Variants in RALYL observed in about 807,000 individuals in gnomAD.
The protein encoded by RALYL is RNA-binding Raly-like protein.
Under a neutral mutation model 35.1 loss-of-function variants are expected in RALYL, and 29 were observed. That is an observed-to-expected ratio of 0.83 (90% CI 0.61 to 1.13). The LOEUF (loss-of-function observed/expected upper bound fraction) is 1.13, where lower values mean the gene tolerates loss of function less well. RALYL is among the 50% of genes most tolerant of loss of function. The probability of loss-of-function intolerance (pLI) is 0.00; values close to 1 mark genes in which losing one functional copy is unlikely to be tolerated. For missense variants in RALYL, 359 were observed against 360.4 expected (o/e 1.00, Z 0.03); for synonymous variants, 120 against 127.6 (o/e 0.94, Z 0.40).
At chr8:84,610,735 A>G (rs1818124159) in intron 2 of RALYL, among the ~76,000 whole-genome samples, 2 of 152,166 alleles carry the variant, frequency 1.3e-5, no homozygotes, top group South Asian at 4.1e-4. Flanking sequence ...GTATGGAATG[A>G]TGGGTATTTG....
intron 1 of RALYL, among the ~76,000 whole-genome samples, chr8:84,405,194 C>G (rs2043343125): frequency 2.0e-5 from 3 of 152,160 alleles, no homozygotes; most frequent in Non-Finnish European, 4.4e-5. Flanking sequence ...ATACCAGTAT[C>G]TCTGGAACAC....
intron 1 of RALYL, among the ~76,000 whole-genome samples, chr8:84,338,329 T>C (rs1430864092): frequency 2.0e-5 from 3 of 151,922 alleles, no homozygotes; most frequent in Admixed American, 2.0e-4. Flanking sequence ...CTTAGAGAAA[T>C]AAATTAATTG....
chr8:84,738,134 G>A (rs776418840), intron 2 of RALYL, among the ~76,000 whole-genome samples: 6 of 151,990 alleles, frequency 3.9e-5, no homozygotes, highest in Non-Finnish European at 7.4e-5. Context: ...GAAGCACACA[G>A]GGCTATGGGA....
At chr8:84,404,197 T>A (rs1015675627) in intron 1 of RALYL, among the ~76,000 whole-genome samples, 7 of 152,052 alleles carry the variant, frequency 4.6e-5, no homozygotes, top group Non-Finnish European at 1.0e-4. Flanking sequence ...GGCCAGAACT[T>A]ACAATATTAT....
chr8:84,572,114 G>A (rs1299834081), intron 2 of RALYL, among the ~76,000 whole-genome samples: 1 of 151,732 alleles, frequency 6.6e-6, no homozygotes, highest in African/African-American at 2.4e-5. Flanking sequence ...GGGTCCACTT[G>A]GTTTGTAGTC....
chr8:84,911,088 C>T (rs1032690042), intron 8 of RALYL, among the ~76,000 whole-genome samples: 1 of 151,934 alleles, frequency 6.6e-6, no homozygotes, highest in Non-Finnish European at 1.5e-5. Context: ...AAAAGAATGA[C>T]GTGAGCAAGA....
Position 84,253,176 on chromosome 8 carries a change from G to GTT in RALYL, c.-24+68782_-24+68783dup, listed in dbSNP as rs764942491. Among the ~76,000 whole-genome samples the GTT allele has an allele frequency of 3.4e-3, 178 of 52,860 alleles. 37 individuals are homozygous for GTT. The highest frequency in any genetic ancestry group is 4.8e-3 in the African/African-American group (56 of 11,558). 34.7% of individuals were successfully genotyped at this position (52,860 alleles called of 152,430 possible). On this transcript the variant is annotated intron_variant, in intron 1 of 8. Coordinates refer to ENST00000521268, the MANE Select transcript of RALYL (RefSeq NM_173848.7). ...GTATGTGTCTGTGTGTAGTTCTGCA[G>GTT]TTTTTTTTTTTTTTTTTTTTTTTTT...
At position 84,389,323 on chromosome 8, in the gene RALYL, C is replaced by G. The variant is rs190676101; in HGVS notation, c.-23-139976C>G. ...TTGGCTTAGGATTGACTTGGCAATGCGGGCTCTTTTTTGGTTCCACATGAA... is the reference window on the plus strand; with the variant it reads ...TTGGCTTAGGATTGACTTGGCAATGGGGGCTCTTTTTTGGTTCCACATGAA... On this transcript the variant is annotated intron_variant, in intron 1 of 8. Coordinates refer to ENST00000521268, the MANE Select transcript of RALYL (RefSeq NM_173848.7). Among the ~76,000 whole-genome samples, 1,368 of 152,022 alleles carry G rather than the reference C, an allele frequency of 9.0e-3. 14 individuals carry two copies. The highest frequency in any genetic ancestry group is 0.013 in the Non-Finnish European group (888 of 67,988).
intron 2 of RALYL, among the ~76,000 whole-genome samples, chr8:84,621,525 C>T (rs1337674658): frequency 6.6e-6 from 1 of 152,140 alleles, no homozygotes; most frequent in Non-Finnish European, 1.5e-5. Flanking sequence ...GAACCCGGTA[C>T]CTCAGATGGA....
At chr8:84,621,982 TATTA>T (rs1395722081) in intron 2 of RALYL, among the ~76,000 whole-genome samples, 1 of 152,248 alleles carries the variant, frequency 6.6e-6, no homozygotes, top group Non-Finnish European at 1.5e-5. Context: ...TCTGCATAAT[TATTA>T]ATTATGAAGT....
At chr8:84,859,786 G>T (rs1837763407) in intron 5 of RALYL, among the ~76,000 whole-genome samples, 1 of 152,078 alleles carries the variant, frequency 6.6e-6, no homozygotes, top group Non-Finnish European at 1.5e-5. Context: ...GGAGGCAGAG[G>T]TTGCAGTGAG....
At chr8:84,780,191 G>A (rs1395867947) in intron 3 of RALYL, among the ~76,000 whole-genome samples, 1 of 151,984 alleles carries the variant, frequency 6.6e-6, no homozygotes, top group East Asian at 1.9e-4. Flanking sequence ...AAACTACAGT[G>A]TGAGGAGGAG....
chr8:84,920,832 C>A lies in RALYL; in HGVS notation c.859-62C>A, dbSNP rs148683859. On this transcript the variant is annotated intron_variant, in intron 8 of 8. Transcript: ENST00000521268. Reference sequence around the variant, plus strand: ...AAAATCTAACTTACATATCAGTATACGCATGCTATCAACAATAAAACACAA... The same window carrying A: ...AAAATCTAACTTACATATCAGTATAAGCATGCTATCAACAATAAAACACAA... 1.2e-5 allele frequency: 8 copies of A among 685,894 alleles called. No homozygotes were observed. The South Asian group carries it at 1.7e-4, about 14-fold the overall frequency. The allele number at this position is 685,894 out of a possible 1,614,324, so 42.5% of individuals were successfully genotyped here.
At chr8:84,296,288 T>C (rs1839726953) in intron 1 of RALYL, among the ~76,000 whole-genome samples, 1 of 152,062 alleles carries the variant, frequency 6.6e-6, no homozygotes, top group Non-Finnish European at 1.5e-5. Context: ...TGCTCAAAGG[T>C]AGTAATTATT....
At chr8:84,278,741 G>T (rs59138295) in intron 1 of RALYL, among the ~76,000 whole-genome samples, 10 of 152,022 alleles carry the variant, frequency 6.6e-5, no homozygotes, top group Admixed American at 1.3e-4. Flanking sequence ...CTAACAAATT[G>T]TTCATCTCCA....
intron 3 of RALYL, among the ~76,000 whole-genome samples, chr8:84,785,983 C>A (rs1207738605): frequency 6.6e-6 from 1 of 152,170 alleles, no homozygotes; most frequent in African/African-American, 2.4e-5. Context: ...CTCCCTCTCC[C>A]CACCTCACCG....
At chr8:84,684,311 A>T (rs1177263723) in intron 2 of RALYL, among the ~76,000 whole-genome samples, 1 of 152,174 alleles carries the variant, frequency 6.6e-6, no homozygotes, top group Admixed American at 6.5e-5. Flanking sequence ...TATTTGATAA[A>T]TATTTATTGA....
chr8:84,342,831 T>G (rs948180777), intron 1 of RALYL, among the ~76,000 whole-genome samples: 11 of 152,066 alleles, frequency 7.2e-5, no homozygotes, highest in African/African-American at 2.7e-4. Context: ...GTAAACTGTC[T>G]GTAATCACTA....
At chr8:84,396,772 A>G (rs572622186) in intron 1 of RALYL, among the ~76,000 whole-genome samples, 4 of 151,600 alleles carry the variant, frequency 2.6e-5, no homozygotes, top group Non-Finnish European at 5.9e-5. Context: ...ATATAGTTTT[A>G]GAAAATATTT....
Sources: allele counts gnomAD v4.1 joint callset (sites outside exome capture counted in the v4.1 genomes callset), GRCh38; gene constraint gnomAD v4.1.1; transcripts MANE v1.5; gene names NCBI Gene and HGNC (gene_info 2026-07-23, HGNC 2026-07-21).